SPOCK1: variants seen among roughly 807,000 people sequenced by gnomAD.
SPOCK1 encodes the protein testican-1.
Under a neutral mutation model 55.3 loss-of-function variants are expected in SPOCK1, and 23 were observed. The ratio of observed to expected loss-of-function variants is 0.42; its 90% CI spans 0.30 to 0.59. SPOCK1 has a LOEUF of 0.59. SPOCK1 is among the 20% of genes least tolerant of loss of function. SPOCK1 has a pLI of 0.22. For synonymous variants in SPOCK1, 226 were observed against 221.0 expected, an observed-to-expected ratio of 1.02 and a Z score of -0.20; for missense variants, 499 against 552.5, an observed-to-expected ratio of 0.90 and a Z score of 0.97.
chr5:136,997,220 A>G, intron 6 of SPOCK1, among the ~76,000 whole-genome samples: 1 of 152,106 alleles, frequency 6.6e-6, no homozygotes, highest in East Asian at 1.9e-4. Context: ...TAGTCAGAAA[A>G]TGGTACCAGC....
chr5:137,261,632 C>T (rs1393430050), intron 3 of SPOCK1, among the ~76,000 whole-genome samples: 1 of 152,182 alleles, frequency 6.6e-6, no homozygotes, highest in Non-Finnish European at 1.5e-5. Flanking sequence ...TTGAAGATCA[C>T]CAGCAACATC....
chr5:137,428,491 C>T (rs1752680385), intron 2 of SPOCK1, among the ~76,000 whole-genome samples: 1 of 152,160 alleles, frequency 6.6e-6, no homozygotes, highest in Non-Finnish European at 1.5e-5. Context: ...GTTTGCTGGA[C>T]CTCATGGAAT....
intron 2 of SPOCK1, among the ~76,000 whole-genome samples, chr5:137,273,017 T>C (rs914740882): frequency 1.2e-4 from 19 of 152,268 alleles, no homozygotes; most frequent in Middle Eastern, 6.9e-3. Context: ...TTTGATAAAT[T>C]GGTCTGACAT....
chr5:137,287,854 C>T (rs1757296954), intron 2 of SPOCK1, among the ~76,000 whole-genome samples: 1 of 152,128 alleles, frequency 6.6e-6, no homozygotes, highest in African/African-American at 2.4e-5. Context: ...TAGGCGGTAC[C>T]TACATGGGGA....
chr5:137,041,159 G>C (rs537156858), intron 6 of SPOCK1, among the ~76,000 whole-genome samples: 18 of 152,074 alleles, frequency 1.2e-4, no homozygotes, highest in Non-Finnish European at 2.4e-4. Flanking sequence ...AAAATAAACA[G>C]ATTAATGGAA....
intron 6 of SPOCK1, among the ~76,000 whole-genome samples, chr5:137,030,915 G>A (rs529851854): frequency 4.6e-5 from 7 of 152,246 alleles, no homozygotes; most frequent in Non-Finnish European, 7.4e-5. Flanking sequence ...TGATTCGAGG[G>A]GAGTTTGTGA....
chr5:136,993,431 C>T (rs992022759), intron 6 of SPOCK1, among the ~76,000 whole-genome samples: 5 of 152,264 alleles, frequency 3.3e-5, no homozygotes, highest in South Asian at 2.1e-4. Flanking sequence ...TCAGGGCATA[C>T]GCTAATTCTT....
intron 2 of SPOCK1, among the ~76,000 whole-genome samples, chr5:137,328,223 C>A (rs1213188183): frequency 1.3e-5 from 2 of 152,244 alleles, no homozygotes; most frequent in African/African-American, 4.8e-5. Flanking sequence ...GGCAAACTTA[C>A]TGAAGTCCCT....
At chr5:137,461,136 T>G (rs1350781660) in intron 2 of SPOCK1, among the ~76,000 whole-genome samples, 1 of 152,190 alleles carries the variant, frequency 6.6e-6, no homozygotes, top group Non-Finnish European at 1.5e-5. Flanking sequence ...CAAGTCTGTC[T>G]CTCCAGGATC....
chr5:137,009,205 C>T (rs1355224490), intron 6 of SPOCK1, among the ~76,000 whole-genome samples: 1 of 152,132 alleles, frequency 6.6e-6, no homozygotes, highest in Non-Finnish European at 1.5e-5. Flanking sequence ...GATATTTTGA[C>T]CCCAAAATTT....
At chr5:137,437,745 C>T (rs1752894605) in intron 2 of SPOCK1, among the ~76,000 whole-genome samples, 2 of 152,138 alleles carry the variant, frequency 1.3e-5, no homozygotes, top group South Asian at 4.1e-4. Context: ...TAGAAACATT[C>T]AAATTATTCT....
At chr5:137,184,717 T>C (rs1002788299) in intron 3 of SPOCK1, among the ~76,000 whole-genome samples, 4 of 152,144 alleles carry the variant, frequency 2.6e-5, no homozygotes, top group African/African-American at 9.7e-5. Flanking sequence ...GACTTCTTCA[T>C]GAGGATCAGA....
At chr5:137,064,177 G>T (rs1284974972) in intron 6 of SPOCK1, among the ~76,000 whole-genome samples, 1 of 152,022 alleles carries the variant, frequency 6.6e-6, no homozygotes, top group African/African-American at 2.4e-5. Flanking sequence ...CAAAGAAAAA[G>T]AAAACACCAG....
At chr5:137,273,392 C>T (rs541755112) in intron 2 of SPOCK1, 34 of 984,232 alleles carry the variant, frequency 3.5e-5, no homozygotes, top group African/African-American at 2.8e-4. Flanking sequence ...TTCCTGAGTA[C>T]GAAAGCATTA....
At chr5:137,013,279 C>CA (rs1167163793) in intron 6 of SPOCK1, among the ~76,000 whole-genome samples, 1 of 151,920 alleles carries the variant, frequency 6.6e-6, no homozygotes, top group East Asian at 1.9e-4. Flanking sequence ...TGGTATAAGA[C>CA]AAAAACACTC....
intron 3 of SPOCK1, among the ~76,000 whole-genome samples, chr5:137,208,460 AT>A (rs1002009048): frequency 6.6e-6 from 1 of 152,224 alleles, no homozygotes; most frequent in Non-Finnish European, 1.5e-5. Context: ...ACCATTTCAT[AT>A]CTGAAATTCA....
Position 136,977,642 on chromosome 5 carries a change from G to GA in SPOCK1, c.*1011_*1012insT. On this transcript the variant is annotated 3_prime_UTR_variant, in exon 11 of 11. Coordinates refer to ENST00000394945, the MANE Select transcript of SPOCK1 (RefSeq NM_004598.4). ...TGGCAGACAGGATTGCTGCAGCCAAGGGGCTTCAAGCAGAAATGAAAGAGA... is the reference window on the plus strand; with the variant it reads ...TGGCAGACAGGATTGCTGCAGCCAAGAGGGCTTCAAGCAGAAATGAAAGAGA... The GA allele has an allele frequency of 3.9e-6, 1 of 253,738 alleles. No homozygotes were observed. The highest frequency in any genetic ancestry group is 6.3e-6 in the Non-Finnish European group (1 of 157,910). 15.7% of individuals were successfully genotyped at this position (253,738 alleles called of 1,614,324 possible).
chr5:137,128,620 G>T (rs1173560328), intron 4 of SPOCK1, among the ~76,000 whole-genome samples: 1 of 152,240 alleles, frequency 6.6e-6, no homozygotes, highest in Non-Finnish European at 1.5e-5. Flanking sequence ...CTCTTACACA[G>T]AAGATGGGTT....
At chr5:137,225,115 C>A (rs1755920952) in intron 3 of SPOCK1, among the ~76,000 whole-genome samples, 1 of 152,008 alleles carries the variant, frequency 6.6e-6, no homozygotes, top group African/African-American at 2.4e-5. Context: ...AAGAGCCGCA[C>A]ACAGGAAACC....
Sources: allele counts gnomAD v4.1 joint callset (sites outside exome capture counted in the v4.1 genomes callset), GRCh38; gene constraint gnomAD v4.1.1; transcripts MANE v1.5; gene names NCBI Gene and HGNC (gene_info 2026-07-23, HGNC 2026-07-21).